Variants in ZDHHC2 observed in about 807,000 individuals in gnomAD.
ZDHHC2 encodes the protein zDHHC palmitoyltransferase 2.
A neutral mutation model predicts 55.6 loss-of-function variants in ZDHHC2; 51 were observed. The ratio of observed to expected loss-of-function variants is 0.92; its 90% CI spans 0.73 to 1.16. The LOEUF is 1.16. ZDHHC2 is among the 50% of genes most tolerant of loss of function. The pLI, the probability that ZDHHC2 is intolerant of heterozygous loss-of-function variation, is 0.00. For missense variants in ZDHHC2, 491 were observed against 442.4 expected, an observed-to-expected ratio of 1.11 and a Z score of -0.99; for synonymous variants, 199 against 152.9, an observed-to-expected ratio of 1.30 and a Z score of -2.22.
At chr8:17,198,332 A>G in intron 5 of ZDHHC2, 49 bp from the exon 6 acceptor site, 2 of 1,511,734 alleles carry the variant, frequency 1.3e-6, no homozygotes, top group African/African-American at 1.4e-5. Flanking sequence ...ATTTAATATG[A>G]TTAAAATTTC....
chr8:17,217,111 G>T, intron 11 of ZDHHC2, 61 bp from the exon 12 acceptor site: 1 of 1,536,568 alleles, frequency 6.5e-7, no homozygotes, highest in South Asian at 1.1e-5. Flanking sequence ...AGATGAATAA[G>T]AAGTTTCTGC....
chr8:17,217,275 T>C, intron 12 of ZDHHC2, 29 bp downstream of exon 12: 1 of 1,486,542 alleles, frequency 6.7e-7, no homozygotes, highest in Non-Finnish European at 9.2e-7. Flanking sequence ...TATTGTTTTA[T>C]ATTTTTAACA....
At chr8:17,167,902 T>G (rs1804683064) in intron 1 of ZDHHC2, among the ~76,000 whole-genome samples, 1 of 152,148 alleles carries the variant, frequency 6.6e-6, no homozygotes, top group Non-Finnish European at 1.5e-5. Flanking sequence ...TGCCTAGAGA[T>G]AACTGTAGTC....
At chr8:17,174,286 A>G (rs1391685131) in intron 1 of ZDHHC2, among the ~76,000 whole-genome samples, 4 of 152,000 alleles carry the variant, frequency 2.6e-5, no homozygotes, top group Admixed American at 6.6e-5. Flanking sequence ...TTTTATCTCC[A>G]TCTTCTAGAG....
intron 6 of ZDHHC2, 45 bp from the exon 7 acceptor site, chr8:17,205,610 T>A (rs1807059787): frequency 3.9e-6 from 6 of 1,549,202 alleles, no homozygotes; most frequent in Middle Eastern, 1.7e-4. Context: ...CACATGTAGG[T>A]TGAAGATGTA....
In ZDHHC2 at chr8:17,187,199, C is replaced by A. The variant is rs529712185; in HGVS notation, c.252+774C>A. Among the ~76,000 whole-genome samples the A allele has an allele frequency of 2.0e-5, 3 of 152,266 alleles. No individual in the cohort carries two copies. The East Asian group carries it at 5.8e-4, about 29-fold the overall frequency. ...ACTGAGAGACAACTAGCAATCTCTG[C>A]TTCAGAGGGCTTTAAGTAGAGTGAT... On this transcript the variant is annotated intron_variant, in intron 3 of 12. Coordinates refer to ENST00000262096, the MANE Select transcript of ZDHHC2 (RefSeq NM_016353.5).
Position 17,210,434 on chromosome 8 carries a change from C to G in ZDHHC2, c.904C>G (p.Pro302Ala). 6.2e-7 allele frequency: 1 copy of G among 1,613,302 alleles called. No homozygotes were observed. ...SFPTCLVNQD[P>A]EQASTPAGLN... is the part of the protein sequence containing the mutation. Reference sequence around the variant, plus strand: ...TCCAACTTGCCTTGTTAACCAGGATCCTGAACAAGCATCTACTCCTGCAGG... The same window carrying G: ...TCCAACTTGCCTTGTTAACCAGGATGCTGAACAAGCATCTACTCCTGCAGG... Residue 302 changes from proline to alanine, a missense_variant, in exon 10 of 13, where the codon CCT (proline) becomes GCT (alanine). Pro to Ala is a conservative substitution (Grantham distance 27). Coordinates refer to ENST00000262096, the MANE Select transcript of ZDHHC2 (RefSeq NM_016353.5).
At chr8:17,200,552 G>A (rs1040889695) in intron 6 of ZDHHC2, among the ~76,000 whole-genome samples, 13 of 152,088 alleles carry the variant, frequency 8.5e-5, no homozygotes, top group Non-Finnish European at 8.8e-5. Context: ...GGAATGGAGA[G>A]GTGGAAAAAA....
At chr8:17,191,446 A>T (rs1459246541) in intron 3 of ZDHHC2, among the ~76,000 whole-genome samples, 1 of 152,056 alleles carries the variant, frequency 6.6e-6, no homozygotes, top group Non-Finnish European at 1.5e-5. Context: ...AACTTTCCCC[A>T]CTTATGTCCA....
intron 1 of ZDHHC2, among the ~76,000 whole-genome samples, chr8:17,168,115 C>T (rs1804691730): frequency 6.6e-6 from 1 of 152,194 alleles, no homozygotes; most frequent in African/African-American, 2.4e-5. Flanking sequence ...AAGCTACTCT[C>T]CAAGACCCTT....
At chr8:17,201,771 C>G (rs1806788739) in intron 6 of ZDHHC2, among the ~76,000 whole-genome samples, 2 of 151,544 alleles carry the variant, frequency 1.3e-5, no homozygotes, top group African/African-American at 4.9e-5. Flanking sequence ...GGTAGGATTA[C>G]AGGCATGAGC....
intron 1 of ZDHHC2, among the ~76,000 whole-genome samples, chr8:17,158,767 C>G (rs528949643): frequency 6.6e-6 from 1 of 152,358 alleles, no homozygotes; most frequent in East Asian, 1.9e-4. Context: ...GATACCTTAT[C>G]TATCACTTCT....
intron 8 of ZDHHC2, 31 bp downstream of exon 8, chr8:17,208,123 C>G: frequency 6.6e-7 from 1 of 1,518,336 alleles, no homozygotes; most frequent in Non-Finnish European, 8.9e-7. Flanking sequence ...GTTGACAGAA[C>G]TTTAAATACG....
rs117258474 is a variant in ZDHHC2 at position 17,187,221 on chromosome 8, T to A, written c.252+796T>A. On this transcript the variant is annotated intron_variant, in intron 3 of 12. Transcript: ENST00000262096. ...CTGCTTCAGAGGGCTTTAAGTAGAG[T>A]GATGGATCAAATTTGCATGTTGAAA... Among the ~76,000 whole-genome samples the A allele has an allele frequency of 3.0e-3, 459 of 152,248 alleles. 3 individuals carry two copies. Among genetic ancestry groups the A allele is most frequent in the Admixed American group, 7.0e-3 (107 of 15,306 alleles).
At chr8:17,175,235 G>A (rs1442581318) in intron 1 of ZDHHC2, among the ~76,000 whole-genome samples, 1 of 152,152 alleles carries the variant, frequency 6.6e-6, no homozygotes, top group African/African-American at 2.4e-5. Context: ...GGGCGTTGTG[G>A]GTTGCAGGTG....
rs550429071 is a variant in ZDHHC2, at chr8:17,202,241, A to AT, written c.477-3407dup. ...TGTTTGTCTCATTTTATTTTATCTT[A>AT]TTTTTTTGAGACGGAGTTGCCTAGG... On this transcript the variant is annotated intron_variant, in intron 6 of 12. Coordinates refer to ENST00000262096, the MANE Select transcript of ZDHHC2 (RefSeq NM_016353.5). Among the ~76,000 whole-genome samples, 24 of 152,172 alleles carry AT rather than the reference A, an allele frequency of 1.6e-4. 1 individual carries two copies. In the South Asian group the frequency reaches 4.2e-3, roughly 26 times the overall value.
intron 1 of ZDHHC2, among the ~76,000 whole-genome samples, chr8:17,180,465 G>A (rs1805377893): frequency 6.6e-6 from 1 of 152,030 alleles, no homozygotes; most frequent in Non-Finnish European, 1.5e-5. Context: ...ATTTCTTTCA[G>A]GAGCCTGTAC....
At chr8:17,219,690 C>CT (rs1807824440) in intron 12 of ZDHHC2, among the ~76,000 whole-genome samples, 1 of 152,246 alleles carries the variant, frequency 6.6e-6, no homozygotes, top group East Asian at 1.9e-4. Context: ...GAGAGGATGA[C>CT]TTGAGCCAGG....
intron 10 of ZDHHC2, 137 bp downstream of exon 10, chr8:17,210,617 A>T (rs1807332338): frequency 1.5e-6 from 1 of 680,060 alleles, no homozygotes; most frequent in Non-Finnish European, 2.4e-6. Flanking sequence ...GAAATGAGGG[A>T]AAAAAGAAAG....
Sources: allele counts gnomAD v4.1 joint callset (sites outside exome capture counted in the v4.1 genomes callset), GRCh38; gene constraint gnomAD v4.1.1; transcripts MANE v1.5; gene names NCBI Gene and HGNC (gene_info 2026-07-23, HGNC 2026-07-21).